SDR42E1: variants seen among roughly 807,000 people sequenced by gnomAD.
SDR42E1 encodes short chain dehydrogenase/reductase family 42E, member 1.
SDR42E1 carries 5 observed loss-of-function variants against 2.6 expected under a neutral mutation model. That is an observed-to-expected ratio of 1.94 (90% CI 1.01 to 4.08). The LOEUF (loss-of-function observed/expected upper bound fraction) is 4.08, where lower values mean the gene tolerates loss of function less well. Among genes scored for constraint, SDR42E1 ranks in the 30% most tolerant of loss-of-function variants. The pLI is 0.00. For missense variants in SDR42E1, 596 were observed against 478.6 expected (o/e 1.25, Z -2.29); for synonymous variants, 231 against 188.3 (o/e 1.23, Z -1.86).
rs372492599 is a variant in SDR42E1, at chr16:81,999,407, T to C, written c.886A>G (p.Met296Val). Residue 296 changes from methionine to valine, a missense_variant, in exon 3 of 3, where the codon ATG becomes GTG. Transcript: ENST00000328945. ...LVYCFAFLTEMVHFILGRLYN... is the reference protein window; with the variant it reads ...LVYCFAFLTEVVHFILGRLYN... ...AGTCGACCCAAAATGAAGTGAACCA[T>C]CTCTGTTAGAAAAGCAAAGCAGTAG... 1.1e-5 allele frequency: 17 copies of C among 1,613,738 alleles called. No homozygotes were observed. The highest frequency in any genetic ancestry group is 1.3e-5 in the Non-Finnish European group (15 of 1,179,976).
chr16:82,001,998 C>CACACACACACACG (rs1912784057), intron 1 of SDR42E1, among the ~76,000 whole-genome samples: 1 of 149,376 alleles, frequency 6.7e-6, no homozygotes, highest in African/African-American at 2.5e-5. Flanking sequence ...ACACATATAC[C>CACACACACACACG]TGTGCTCAAG....
At chr16:82,003,538 T>C (rs931358973) in intron 1 of SDR42E1, among the ~76,000 whole-genome samples, 1 of 152,218 alleles carries the variant, frequency 6.6e-6, no homozygotes, top group Non-Finnish European at 1.5e-5. Flanking sequence ...ACTTTCCTTA[T>C]CTTGAAGATG....
At position 81,999,471 on chromosome 16, in the gene SDR42E1, G is replaced by A; in HGVS notation, c.822C>T (p.Gly274=). ...GCAGGCGGGTAGACGGGAATGTGTA[G>A]CCCAGGCCCTCAACCAGAGGCCGGA... ...EFFRPLVEGL[G]YTFPSTRLPL... The change falls in exon 3 of 3, where the codon GGC becomes GGT. Residue 274 remains glycine (G), a synonymous_variant. Transcript: ENST00000328945. 3.7e-6 allele frequency: 6 copies of A among 1,614,150 alleles called. No homozygotes were observed. The highest frequency in any genetic ancestry group is 5.1e-6 in the Non-Finnish European group (6 of 1,180,034).
At position 81,991,008 on chromosome 16, in the gene SDR42E1, G is replaced by A. The variant is rs987928534; in HGVS notation, c.*8103C>T. On this transcript the variant is annotated 3_prime_UTR_variant, in exon 3 of 3. Coordinates refer to ENST00000328945, the MANE Select transcript of SDR42E1 (RefSeq NM_145168.3). The stretch of plus-strand genomic sequence containing the variant: ...AGTGTAAGACTGCAGGGGAGGCAAA[G>A]AGCCATCAGCAGCGAATAATACTTG... 1.3e-5 allele frequency: 2 copies of A among 152,216 alleles called. No individual in the cohort carries two copies. The highest frequency in any genetic ancestry group is 2.9e-5 in the Non-Finnish European group (2 of 68,046). The allele number at this position is 152,216 out of a possible 1,614,324, so 9.4% of individuals were successfully genotyped here. A position where few individuals can be genotyped will look rare whatever the true frequency, so the allele number is the denominator to read the frequency against.
chr16:82,000,081 G>A lies in SDR42E1; in HGVS notation c.212C>T (p.Ala71Val). Residue 71 changes from alanine to valine, a missense_variant, in exon 3 of 3, where the codon GCA becomes GTA. Transcript: ENST00000328945. ...LSDVEKAFQD[A>V]DVTCVFHIAS... Reference sequence around the variant, plus strand: ...AATATGGAACACACAAGTGACGTCTGCATCCTGGAAGGCTTTCTCTACGTC... The same window carrying A: ...AATATGGAACACACAAGTGACGTCTACATCCTGGAAGGCTTTCTCTACGTC... The A allele has an allele frequency of 6.2e-7, 1 of 1,614,206 alleles. No individual in the cohort carries two copies. Among genetic ancestry groups the A allele is most frequent in the South Asian group, 1.1e-5 (1 of 91,084 alleles).
rs1461008344 is a variant in SDR42E1 at position 82,000,014 on chromosome 16, G to A, written c.279C>T (p.Asn93=). ...CCCTGACGTTGACTTCTTTGATCAG[G>A]TTTCGATTGAGTTGCTCCCGCCCTG... The part of the protein sequence containing the change: ...GMSGREQLNR[N]LIKEVNVRGT... Residue 93 remains asparagine (N), a synonymous_variant, in exon 3 of 3, where the codon AAC becomes AAT. Coordinates refer to ENST00000328945, the MANE Select transcript of SDR42E1 (RefSeq NM_145168.3). The A allele has an allele frequency of 3.1e-6, 5 of 1,614,082 alleles. No individual in the cohort carries two copies. In the African/African-American group the frequency reaches 4.0e-5, roughly 13 times the overall value.
chr16:81,993,730 A>G lies in SDR42E1; in HGVS notation c.*5381T>C. On this transcript the variant is annotated 3_prime_UTR_variant, in exon 3 of 3. Coordinates refer to ENST00000328945, the MANE Select transcript of SDR42E1 (RefSeq NM_145168.3). ...TATGAAGGGTACAGAAGTAGAAAAA[A>G]CAGACATGGTTCCTGCTCTCATGGG... 6.6e-6 allele frequency: 1 copy of G among 152,148 alleles called. No individual in the cohort carries two copies. Among genetic ancestry groups the G allele is most frequent in the East Asian group, 1.9e-4 (1 of 5,194 alleles). 9.4% of individuals were successfully genotyped at this position (152,148 alleles called of 1,614,324 possible).
In SDR42E1 at chr16:81,989,354, A is replaced by C. The variant is rs1420736193; in HGVS notation, c.*9757T>G. 6.6e-6 allele frequency: 1 copy of C among 152,224 alleles called. No homozygotes were observed. Among genetic ancestry groups the C allele is most frequent in the Non-Finnish European group, 1.5e-5 (1 of 68,040 alleles). 9.4% of individuals were successfully genotyped at this position (152,224 alleles called of 1,614,324 possible). A position where few individuals can be genotyped will look rare whatever the true frequency, so the allele number is the denominator to read the frequency against. ...ACACCACAGCCCTGTTTTCTATACA[A>C]ATATATACATATATGAAATTTGGGG... On this transcript the variant is annotated 3_prime_UTR_variant, in exon 3 of 3. Coordinates refer to ENST00000328945, the MANE Select transcript of SDR42E1 (RefSeq NM_145168.3).
rs1912501508 is a variant in SDR42E1 at position 81,994,684 on chromosome 16, C to G, written c.*4427G>C. ...CTTCCAAGGCCAGCCAGCAGGGGCACCAGTGGCCCTATAATGATGTCTAAT... is the reference window on the plus strand; with the variant it reads ...CTTCCAAGGCCAGCCAGCAGGGGCAGCAGTGGCCCTATAATGATGTCTAAT... On this transcript the variant is annotated 3_prime_UTR_variant, in exon 3 of 3. Coordinates refer to ENST00000328945, the MANE Select transcript of SDR42E1 (RefSeq NM_145168.3). 3 of 152,152 alleles carry G rather than the reference C, an allele frequency of 2.0e-5. No individual in the cohort carries two copies. The South Asian group carries it at 6.2e-4, about 32-fold the overall frequency. 9.4% of individuals were successfully genotyped at this position (152,152 alleles called of 1,614,324 possible).
rs1912502786 is a variant in SDR42E1 at position 81,994,736 on chromosome 16, T to G, written c.*4375A>C. The G allele has an allele frequency of 2.0e-5, 3 of 152,318 alleles. No homozygotes were observed. The South Asian group carries it at 6.2e-4, about 32-fold the overall frequency. 9.4% of individuals were successfully genotyped at this position (152,318 alleles called of 1,614,324 possible). On this transcript the variant is annotated 3_prime_UTR_variant, in exon 3 of 3. Transcript: ENST00000328945. ...GGGTCAGAGCTGGGGCGTGGCATTC[T>G]GCAGGCAACTTCTACCCTTTGTAAG...
At position 81,988,930 on chromosome 16, in the gene SDR42E1, T is replaced by A. The variant is rs1283465824; in HGVS notation, c.*10181A>T. 6.6e-6 allele frequency: 1 copy of A among 152,246 alleles called. No homozygotes were observed. The highest frequency in any genetic ancestry group is 1.5e-5 in the Non-Finnish European group (1 of 68,042). The allele number at this position is 152,246 out of a possible 1,614,324, so 9.4% of individuals were successfully genotyped here. A position where few individuals can be genotyped will look rare whatever the true frequency, so the allele number is the denominator to read the frequency against. On this transcript the variant is annotated 3_prime_UTR_variant, in exon 3 of 3. Transcript: ENST00000328945. ...TACATACCCAGAATTCAGGATTTTCTACTATATTCTATTCTAGTACAAAAT... is the reference window on the plus strand; with the variant it reads ...TACATACCCAGAATTCAGGATTTTCAACTATATTCTATTCTAGTACAAAAT...
chr16:82,000,316 T>A (rs892676176), intron 2 of SDR42E1, 92 bp from the exon 3 acceptor site: 2 of 1,505,098 alleles, frequency 1.3e-6, no homozygotes, highest in Non-Finnish European at 9.1e-7. Context: ...AAGGTGGGGC[T>A]GATCCAAGTC....
At position 81,993,793 on chromosome 16, in the gene SDR42E1, A is replaced by T. The variant is rs1346806338; in HGVS notation, c.*5318T>A. ...TGGGGAGCAAATCACTTCATCAAAC[A>T]ATTTCCATATAAAACAAGAGTTTGA... On this transcript the variant is annotated 3_prime_UTR_variant, in exon 3 of 3. Transcript: ENST00000328945. 6.6e-6 allele frequency: 1 copy of T among 152,190 alleles called. No homozygotes were observed. 9.4% of individuals were successfully genotyped at this position (152,190 alleles called of 1,614,324 possible).
intron 2 of SDR42E1, chr16:82,000,466 T>C (rs1912721237): frequency 3.0e-6 from 2 of 661,538 alleles, no homozygotes; most frequent in Non-Finnish European, 5.4e-6. Context: ...GGTGGCATTT[T>C]TCCCCCTTGG....
intron 1 of SDR42E1, among the ~76,000 whole-genome samples, chr16:82,001,687 G>C (rs1206490061): frequency 1.3e-5 from 2 of 152,024 alleles, no homozygotes; most frequent in South Asian, 4.1e-4. Context: ...CGGATCATGA[G>C]GTCAGGAGAT....
intron 1 of SDR42E1, among the ~76,000 whole-genome samples, chr16:82,002,245 C>T (rs1433275912): frequency 2.0e-5 from 3 of 151,974 alleles, no homozygotes; most frequent in Non-Finnish European, 2.9e-5. Context: ...TGTACATGCA[C>T]AAAGAAAGAA....
rs567619813 is a variant in SDR42E1 at position 81,994,525 on chromosome 16, A to T, written c.*4586T>A. The T allele has an allele frequency of 1.3e-5, 2 of 152,328 alleles. No homozygotes were observed. Among genetic ancestry groups the T allele is most frequent in the South Asian group, 2.1e-4 (1 of 4,822 alleles). 9.4% of individuals were successfully genotyped at this position (152,328 alleles called of 1,614,324 possible). On this transcript the variant is annotated 3_prime_UTR_variant, in exon 3 of 3. Coordinates refer to ENST00000328945, the MANE Select transcript of SDR42E1 (RefSeq NM_145168.3). ...CAGCCCCACGAAAGGGCTGGGAGGG[A>T]CTTTTTGTCACCAAAAAGGAGCATG...
In SDR42E1 at chr16:81,998,885, G is replaced by A; in HGVS notation, c.*226C>T. On this transcript the variant is annotated 3_prime_UTR_variant, in exon 3 of 3. Coordinates refer to ENST00000328945, the MANE Select transcript of SDR42E1 (RefSeq NM_145168.3). ...TCTATTGTACCCACCTAAAACAGAA[G>A]CACATAACAAATCAAATTTCAAACT... is the stretch of plus-strand genomic sequence containing the variant. 1.7e-6 allele frequency: 1 copy of A among 573,648 alleles called. No individual in the cohort carries two copies. Among genetic ancestry groups the A allele is most frequent in the Non-Finnish European group, 3.0e-6 (1 of 328,922 alleles). 35.5% of individuals were successfully genotyped at this position (573,648 alleles called of 1,614,324 possible).
At chr16:82,004,614 C>A (rs1912875769) in intron 1 of SDR42E1, among the ~76,000 whole-genome samples, 1 of 152,228 alleles carries the variant, frequency 6.6e-6, no homozygotes, top group African/African-American at 2.4e-5. Context: ...GATCCTCCTA[C>A]CTCAGCATCC....
Sources: allele counts gnomAD v4.1 joint callset (sites outside exome capture counted in the v4.1 genomes callset), GRCh38; gene constraint gnomAD v4.1.1; transcripts MANE v1.5; gene names NCBI Gene and HGNC (gene_info 2026-07-23, HGNC 2026-07-21).